CLSTN1: variants seen among roughly 807,000 people sequenced by gnomAD.
CLSTN1 encodes calsyntenin-1.
In CLSTN1, 28 loss-of-function variants were observed where a neutral mutation model predicts 108.3. That is an observed-to-expected ratio of 0.26 (90% CI 0.19 to 0.35). The LOEUF (loss-of-function observed/expected upper bound fraction) is 0.35, where lower values mean the gene tolerates loss of function less well. CLSTN1 is among the 10% of genes least tolerant of loss of function. CLSTN1 has a pLI of 1.00. For missense variants in CLSTN1, 1,157 were observed against 1,302.6 expected, an observed-to-expected ratio of 0.89 and a Z score of 1.72; for synonymous variants, 524 against 534.9, an observed-to-expected ratio of 0.98 and a Z score of 0.28.
At position 9,760,836 on chromosome 1, in the gene CLSTN1, T is replaced by C. The variant is rs144200310; in HGVS notation, c.215-4326A>G. ...GAGCCACCACGCCCGCCCCAGTTCATGGTAGTCAAATGCATGCTACGGCAC... is the reference window on the plus strand; with the variant it reads ...GAGCCACCACGCCCGCCCCAGTTCACGGTAGTCAAATGCATGCTACGGCAC... On this transcript the variant is annotated intron_variant, in intron 2 of 18. Transcript: ENST00000377298. 4.3e-3 allele frequency among the ~76,000 whole-genome samples: 656 copies of C among 151,798 alleles called. 12 individuals are homozygous for C. Among genetic ancestry groups the C allele is most frequent in the East Asian group, 0.043 (220 of 5,140 alleles).
At chr1:9,799,519 T>C (rs989209045) in intron 1 of CLSTN1, among the ~76,000 whole-genome samples, 1 of 151,668 alleles carries the variant, frequency 6.6e-6, no homozygotes, top group Non-Finnish European at 1.5e-5. Context: ...CGGGCGCCTG[T>C]AGTCCCAGCT....
At chr1:9,810,262 G>GTA (rs1654694876) in intron 1 of CLSTN1, among the ~76,000 whole-genome samples, 1 of 151,414 alleles carries the variant, frequency 6.6e-6, no homozygotes, top group Non-Finnish European at 1.5e-5. Flanking sequence ...GATCATCTAA[G>GTA]GTCAGGAGTA....
intron 15 of CLSTN1, 41 bp from the exon 16 acceptor site, chr1:9,733,587 G>A (rs1481576735): frequency 6.8e-6 from 11 of 1,610,912 alleles, no homozygotes; most frequent in Non-Finnish European, 9.3e-6. Context: ...GGTGGCTTAG[G>A]GCAGGAGCAT....
chr1:9,730,359 A>T lies in CLSTN1; in HGVS notation c.*149T>A. 1.3e-6 allele frequency: 1 copy of T among 759,842 alleles called. No individual in the cohort carries two copies. Among genetic ancestry groups the T allele is most frequent in the Non-Finnish European group, 2.3e-6 (1 of 438,580 alleles). The allele number at this position is 759,842 out of a possible 1,614,324, so 47.1% of individuals were successfully genotyped here. On this transcript the variant is annotated 3_prime_UTR_variant, in exon 19 of 19. Transcript: ENST00000377298. This position sits in a 1 kb window ranked among gnomAD's most constrained non-coding sequence, Gnocchi z 5.6. ...GGGTGGGCGGGGAGCCTAGGGTCCT[A>T]CACACCAAGCACAGCGACGATCGTG...
chr1:9,765,679 C>T (rs1453987437), intron 2 of CLSTN1, among the ~76,000 whole-genome samples: 3 of 151,772 alleles, frequency 2.0e-5, no homozygotes, highest in East Asian at 2.0e-4. Context: ...CAGCAGTTTG[C>T]GGCCAGCCTG....
At position 9,749,453 on chromosome 1, in the gene CLSTN1, C is replaced by G; in HGVS notation, c.985+8G>C. 6.3e-7 allele frequency: 1 copy of G among 1,596,824 alleles called. No homozygotes were observed. Among genetic ancestry groups the G allele is most frequent in the Non-Finnish European group, 8.5e-7 (1 of 1,174,646 alleles). On this transcript the variant is annotated splice_region_variant and intron_variant, in intron 7 of 18. Coordinates refer to ENST00000377298, the MANE Select transcript of CLSTN1 (RefSeq NM_001009566.3). The stretch of plus-strand genomic sequence containing the variant: ...CCAGCCGGATGCAAGAACGCCTGGT[C>G]TCCTTACCACAGAGCCGGTGGAGGG...
chr1:9,788,863 G>A (rs1432864665), intron 1 of CLSTN1, among the ~76,000 whole-genome samples: 2 of 77,180 alleles, frequency 2.6e-5, no homozygotes, highest in African/African-American at 5.4e-5. Context: ...GCGAGACTCC[G>A]TCTCAAAAAA....
chr1:9,750,568 T>C (rs1445159754), intron 5 of CLSTN1, among the ~76,000 whole-genome samples: 4 of 151,950 alleles, frequency 2.6e-5, no homozygotes, highest in Non-Finnish European at 5.9e-5. Flanking sequence ...CCCAAATAGC[T>C]GGGACTACAG....
intron 2 of CLSTN1, among the ~76,000 whole-genome samples, chr1:9,770,861 G>A (rs979207344): frequency 5.3e-5 from 8 of 152,116 alleles, no homozygotes; most frequent in Admixed American, 1.3e-4. Flanking sequence ...GGGCATGGTG[G>A]CGGGCACCTG....
At position 9,731,195 on chromosome 1, in the gene CLSTN1, C is replaced by T; in HGVS notation, c.2748+11G>A. 1.2e-6 allele frequency: 2 copies of T among 1,614,148 alleles called. No homozygotes were observed. The highest frequency in any genetic ancestry group is 1.7e-6 in the Non-Finnish European group (2 of 1,180,038). ...GCCTCTCAGTCCTGGAGGTCGCCCGCCCACTCCTACCTCCATGGGGTTGAC... is the reference window on the plus strand; with the variant it reads ...GCCTCTCAGTCCTGGAGGTCGCCCGTCCACTCCTACCTCCATGGGGTTGAC... On this transcript the variant is annotated intron_variant, in intron 18 of 18. Transcript: ENST00000377298.
At chr1:9,782,008 C>T (rs1000449420) in intron 1 of CLSTN1, among the ~76,000 whole-genome samples, 6 of 152,112 alleles carry the variant, frequency 3.9e-5, no homozygotes, top group Non-Finnish European at 8.8e-5. Flanking sequence ...CTATTTCAGC[C>T]ACCATTGGTG....
rs548752701 is a variant in CLSTN1 at position 9,779,508 on chromosome 1, G to C, written c.92-6114C>G. Among the ~76,000 whole-genome samples, 4 of 152,226 alleles carry C rather than the reference G, an allele frequency of 2.6e-5. 1 individual carries two copies. In the South Asian group the frequency reaches 8.3e-4, roughly 32 times the overall value. On this transcript the variant is annotated intron_variant, in intron 1 of 18. Coordinates refer to ENST00000377298, the MANE Select transcript of CLSTN1 (RefSeq NM_001009566.3). ...GGAGGTGGAGGTTGCAGTGAGCCAA[G>C]ATCGCACCACTCCAACATGGAGAAA...
chr1:9,752,633 C>T (rs569589976), intron 4 of CLSTN1, among the ~76,000 whole-genome samples: 2 of 152,066 alleles, frequency 1.3e-5, no homozygotes, highest in Non-Finnish European at 2.9e-5. Context: ...GAGGCTGAGG[C>T]AGGAGGGTCA....
At chr1:9,810,038 A>AAG (rs549792446) in intron 1 of CLSTN1, among the ~76,000 whole-genome samples, 4 of 100,418 alleles carry the variant, frequency 4.0e-5, no homozygotes, top group Non-Finnish European at 6.3e-5. Flanking sequence ...GACTCTGAGA[A>AAG]AGAGAGAGAG....
chr1:9,796,651 T>C (rs1035215945), intron 1 of CLSTN1, among the ~76,000 whole-genome samples: 1 of 151,710 alleles, frequency 6.6e-6, no homozygotes, highest in Non-Finnish European at 1.5e-5. Flanking sequence ...GCCACTGCAC[T>C]CCAGCCTGGG....
chr1:9,758,567 G>A (rs879786790), intron 2 of CLSTN1, among the ~76,000 whole-genome samples: 3 of 152,098 alleles, frequency 2.0e-5, no homozygotes, highest in Non-Finnish European at 4.4e-5. Flanking sequence ...GCCCGCCTCC[G>A]CCTCCCAAAG....
At position 9,788,302 on chromosome 1, in the gene CLSTN1, A is replaced by G. The variant is rs116677918; in HGVS notation, c.92-14908T>C. On this transcript the variant is annotated intron_variant, in intron 1 of 18. Transcript: ENST00000377298. ...TTGACCATTCTAGGCCAGATGCGGT[A>G]GCTCATGCCTGTAATCCTAGCACTT... Among the ~76,000 whole-genome samples, 1,412 of 151,470 alleles carry G rather than the reference A, an allele frequency of 9.3e-3. 47 individuals carry two copies. Among genetic ancestry groups the G allele is most frequent in the East Asian group, 0.046 (229 of 5,022 alleles).
intron 1 of CLSTN1, among the ~76,000 whole-genome samples, chr1:9,790,127 G>A (rs563889428): frequency 6.7e-4 from 102 of 151,300 alleles, no homozygotes; most frequent in African/African-American, 2.4e-3. Flanking sequence ...GACTTTTCTC[G>A]CTCTGTAGGG....
At chr1:9,804,370 A>C (rs1654416821) in intron 1 of CLSTN1, among the ~76,000 whole-genome samples, 1 of 151,456 alleles carries the variant, frequency 6.6e-6, no homozygotes, top group African/African-American at 2.4e-5. Context: ...TCAAAAAAAA[A>C]AAAAAAAAAA....
Sources: gnomAD v4.1 joint callset for allele counts (sites outside exome capture counted in the v4.1 genomes callset) on GRCh38, gnomAD v4.1.1 for gene constraint, Gnocchi (gnomAD v3.1) non-coding constraint, MANE v1.5 for transcripts, NCBI Gene and HGNC (gene_info 2026-07-23, HGNC 2026-07-21) for gene names.